DYNLT2B: variants seen among roughly 807,000 people sequenced by gnomAD.
The protein encoded by DYNLT2B is dynein light chain Tctex-type protein 2B.
A neutral mutation model predicts 19.5 loss-of-function variants in DYNLT2B; 14 were observed. The ratio of observed to expected loss-of-function variants is 0.72; its 90% CI spans 0.47 to 1.12. The LOEUF is 1.12. Among genes scored for constraint, DYNLT2B ranks in the 50% most tolerant of loss-of-function variants. The pLI is 0.00. For missense variants in DYNLT2B, 133 were observed against 174.7 expected (o/e 0.76, Z 1.35); for synonymous variants, 70 against 59.7 (o/e 1.17, Z -0.79).
rs1385607381 is a variant in DYNLT2B, at chr3:196,291,336, G to T, written c.420C>A (p.Phe140Leu). 1.9e-6 allele frequency: 3 copies of T among 1,611,226 alleles called. No homozygotes were observed. Among genetic ancestry groups the T allele is most frequent in the African/African-American group, 2.7e-5 (2 of 74,792 alleles). Residue 140 changes from phenylalanine to leucine, a missense_variant, in exon 5 of 5, where the codon TTC becomes TTA. Phe to Leu is a conservative substitution (Grantham distance 22). Coordinates refer to ENST00000325318, the MANE Select transcript of DYNLT2B (RefSeq NM_152773.5). The part of the protein sequence containing the change: ...LFCVVAAFGC[F>L]YY Reference sequence around the variant, plus strand: ...CTTTTCAAAGATTCATTCAGTAGTAGAAACAGCCAAATGCTGCTACAACGC... The same window carrying T: ...CTTTTCAAAGATTCATTCAGTAGTATAAACAGCCAAATGCTGCTACAACGC...
At chr3:196,309,298 T>G (rs1272543128) in intron 2 of DYNLT2B, among the ~76,000 whole-genome samples, 2 of 152,064 alleles carry the variant, frequency 1.3e-5, no homozygotes, top group Admixed American at 1.3e-4. Context: ...GGAGTTTCAC[T>G]CTTGTTGCCC....
intron 3 of DYNLT2B, among the ~76,000 whole-genome samples, chr3:196,300,035 C>G (rs1319215222): frequency 3.9e-5 from 6 of 152,124 alleles, no homozygotes; most frequent in Non-Finnish European, 8.8e-5. Flanking sequence ...GTTGAAGATG[C>G]TGTGCTGCTG....
intron 2 of DYNLT2B, among the ~76,000 whole-genome samples, chr3:196,308,906 G>A (rs565956762): frequency 2.6e-5 from 4 of 151,182 alleles, no homozygotes; most frequent in Non-Finnish European, 5.9e-5. Flanking sequence ...ATGGTGGGGA[G>A]GGGAACTTAA....
At position 196,318,168 on chromosome 3, in the gene DYNLT2B, T is replaced by A. The variant is rs1221206803; in HGVS notation, c.-16A>T. 6.9e-7 allele frequency: 1 copy of A among 1,454,784 alleles called. No homozygotes were observed. The highest frequency in any genetic ancestry group is 9.1e-7 in the Non-Finnish European group (1 of 1,094,832). The allele number at this position is 1,454,784 out of a possible 1,614,324, so 90.1% of individuals were successfully genotyped here. ...ACGTGGCCATGCCGGGGCTTCTCGGTCCGGGCGTAGCTCGCGATGAAGGCC... is the reference window on the plus strand; with the variant it reads ...ACGTGGCCATGCCGGGGCTTCTCGGACCGGGCGTAGCTCGCGATGAAGGCC... On this transcript the variant is annotated 5_prime_UTR_variant, in exon 1 of 5. Coordinates refer to ENST00000325318, the MANE Select transcript of DYNLT2B (RefSeq NM_152773.5).
At position 196,318,069 on chromosome 3, in the gene DYNLT2B, G is replaced by A. The variant is rs778063039; in HGVS notation, c.84C>T (p.Thr28=). 7 of 1,563,120 alleles carry A rather than the reference G, an allele frequency of 4.5e-6. No individual in the cohort carries two copies. Among genetic ancestry groups the A allele is most frequent in the Non-Finnish European group, 6.0e-6 (7 of 1,159,096 alleles). ...AEKNAGEPEN[T]YILRPVFQQR... ...GCTGGAAAACAGGCCGCAGAATATA[G>A]GTGTTCTCGGGCTCCCCTGCGTTCT... The change falls in exon 1 of 5, where the codon ACC becomes ACT. Residue 28 remains threonine, a synonymous_variant. Transcript: ENST00000325318.
At chr3:196,305,030 G>A (rs1056136516) in intron 3 of DYNLT2B, among the ~76,000 whole-genome samples, 2 of 152,236 alleles carry the variant, frequency 1.3e-5, no homozygotes, top group African/African-American at 4.8e-5. Context: ...CCACAGGCGT[G>A]TGCCACCATG....
chr3:196,300,305 T>A (rs1376058188), intron 3 of DYNLT2B, among the ~76,000 whole-genome samples: 1 of 152,202 alleles, frequency 6.6e-6, no homozygotes, highest in Non-Finnish European at 1.5e-5. Context: ...GGAAAAAGCC[T>A]CTGACATGAA....
rs188680394 is a variant in DYNLT2B, at chr3:196,304,161, T to C, written c.317+2782A>G. On this transcript the variant is annotated intron_variant, in intron 3 of 4. Transcript: ENST00000325318. ...ATTTTTTTATTTTTTGAGATAGAGT[T>C]TCACTCTGTTCCCCAGGCTGGAGTG... 7.7e-3 allele frequency among the ~76,000 whole-genome samples: 1,165 copies of C among 152,248 alleles called. 8 individuals are homozygous for C. The highest frequency in any genetic ancestry group is 0.018 in the South Asian group (88 of 4,824).
At chr3:196,314,357 G>A (rs1726718983) in intron 2 of DYNLT2B, among the ~76,000 whole-genome samples, 1 of 151,638 alleles carries the variant, frequency 6.6e-6, no homozygotes, top group African/African-American at 2.4e-5. Flanking sequence ...CAACTGCTTG[G>A]GAGGCTGAGG....
At chr3:196,294,815 A>C (rs1290943045) in intron 4 of DYNLT2B, among the ~76,000 whole-genome samples, 3 of 152,008 alleles carry the variant, frequency 2.0e-5, no homozygotes, top group African/African-American at 4.8e-5. Context: ...AGCTCACTGG[A>C]ACCTCCGCCA....
At chr3:196,302,072 A>C (rs1465055147) in intron 3 of DYNLT2B, among the ~76,000 whole-genome samples, 1 of 152,114 alleles carries the variant, frequency 6.6e-6, no homozygotes, top group African/African-American at 2.4e-5. Context: ...ACACCACTGC[A>C]CTCCAGCCTG....
intron 2 of DYNLT2B, among the ~76,000 whole-genome samples, chr3:196,311,715 G>A (rs1051805980): frequency 6.7e-5 from 10 of 150,336 alleles, no homozygotes; most frequent in East Asian, 3.9e-4. Flanking sequence ...ACAGAGTCTC[G>A]CTCTGTTGCC....
At chr3:196,313,836 G>A (rs1232989723) in intron 2 of DYNLT2B, among the ~76,000 whole-genome samples, 2 of 151,774 alleles carry the variant, frequency 1.3e-5, no homozygotes, top group Admixed American at 1.3e-4. Context: ...AGTGGCTCAC[G>A]CCTGTAATTC....
intron 3 of DYNLT2B, among the ~76,000 whole-genome samples, chr3:196,302,812 T>A (rs1455076877): frequency 1.3e-5 from 2 of 152,062 alleles, no homozygotes; most frequent in Non-Finnish European, 2.9e-5. Context: ...ACCGACTCCA[T>A]CTTGCGTCTA....
chr3:196,307,105 A>G, intron 2 of DYNLT2B, 93 bp from the exon 3 acceptor site: 1 of 1,044,258 alleles, frequency 9.6e-7, no homozygotes, highest in East Asian at 2.5e-5. Context: ...TAAACATTCA[A>G]TCCACAAGTA....
Position 196,318,208 on chromosome 3 carries a change from C to A in DYNLT2B, c.-56G>T. ...CGATGAAGGCCTAGCGGGTTGCGGT[C>A]GCGGCCGGCAGCAGGGAAAGCGTCT... On this transcript the variant is annotated 5_prime_UTR_variant, in exon 1 of 5. Transcript: ENST00000325318. The A allele has an allele frequency of 9.3e-7, 1 of 1,074,846 alleles. No individual in the cohort carries two copies. Among genetic ancestry groups the A allele is most frequent in the Admixed American group, 3.3e-5 (1 of 30,458 alleles). 66.6% of individuals were successfully genotyped at this position (1,074,846 alleles called of 1,614,324 possible).
intron 1 of DYNLT2B, 36 bp from the exon 2 acceptor site, chr3:196,316,267 C>T: frequency 1.3e-6 from 2 of 1,578,138 alleles, no homozygotes; most frequent in South Asian, 2.4e-5. Context: ...CAGTCGGTGA[C>T]TCCACAACCC....
chr3:196,292,316 G>A (rs1447512638), intron 4 of DYNLT2B: 1 of 152,174 alleles, frequency 6.6e-6, no homozygotes, highest in African/African-American at 2.4e-5. Flanking sequence ...GTAATGATGG[G>A]ATTAAAACAA....
At chr3:196,301,826 A>C (rs1343097032) in intron 3 of DYNLT2B, among the ~76,000 whole-genome samples, 1 of 152,208 alleles carries the variant, frequency 6.6e-6, no homozygotes, top group East Asian at 1.9e-4. Flanking sequence ...ATCTATAAAA[A>C]CTAAATGTAA....
Sources: gnomAD v4.1 joint callset for allele counts (sites outside exome capture counted in the v4.1 genomes callset) on GRCh38, gnomAD v4.1.1 for gene constraint, MANE v1.5 for transcripts, NCBI Gene and HGNC (gene_info 2026-07-23, HGNC 2026-07-21) for gene names.